NPHP4: variants seen among roughly 807,000 people sequenced by gnomAD.
NPHP4 encodes nephrocystin 4.
In NPHP4, 151 loss-of-function variants were observed where a neutral mutation model predicts 155.8. That is an observed-to-expected ratio of 0.97 (90% CI 0.85 to 1.11). The LOEUF (loss-of-function observed/expected upper bound fraction) is 1.11, where lower values mean the gene tolerates loss of function less well. Among genes scored for constraint, NPHP4 ranks in the 50% least tolerant of loss-of-function variants. NPHP4 has a pLI of 0.00. For synonymous variants in NPHP4, 845 were observed against 816.8 expected (o/e 1.03, Z -0.59); for missense variants, 1,956 against 1,925.7 (o/e 1.02, Z -0.29).
In NPHP4 at chr1:5,890,354, C is replaced by T. The variant is rs1234171148; in HGVS notation, c.2304+514G>A. Among the ~76,000 whole-genome samples, 11 of 151,944 alleles carry T rather than the reference C, an allele frequency of 7.2e-5. No individual in the cohort carries two copies. Among genetic ancestry groups the T allele is most frequent in the African/African-American group, 2.2e-4 (9 of 41,350 alleles). On this transcript the variant is annotated intron_variant, in intron 17 of 29. Coordinates refer to ENST00000378156, the MANE Select transcript of NPHP4 (RefSeq NM_015102.5). The surrounding 1 kb of genome is among the most constrained non-coding windows in gnomAD (Gnocchi z 4.9). Reference sequence around the variant, plus strand: ...GGCTTGGGAAGAATTCCAGGGAAGACGAGTGAAAGAATCCATGGATTTAGG... The same window carrying T: ...GGCTTGGGAAGAATTCCAGGGAAGATGAGTGAAAGAATCCATGGATTTAGG...
chr1:5,872,139 G>C (rs1306125994), intron 23 of NPHP4, among the ~76,000 whole-genome samples: 1 of 152,214 alleles, frequency 6.6e-6, no homozygotes, highest in Non-Finnish European at 1.5e-5. Context: ...TTCCAGGAAG[G>C]TCACAGACTG....
At chr1:5,864,539 G>A in intron 27 of NPHP4, 22 bp from the exon 28 acceptor site, 2 of 1,505,906 alleles carry the variant, frequency 1.3e-6, no homozygotes, top group Non-Finnish European at 1.8e-6. Context: ...AGAGAGGCGG[G>A]TCAGAGCACA....
chr1:5,904,878 A>T (rs1644839428), intron 15 of NPHP4, 74 bp from the exon 16 acceptor site: 1 of 1,449,092 alleles, frequency 6.9e-7, no homozygotes, highest in African/African-American at 1.4e-5. Context: ...GTGTGTTTGC[A>T]TAGGGGATGG....
intron 23 of NPHP4, among the ~76,000 whole-genome samples, chr1:5,869,359 CAT>C (rs1022620532): frequency 2.0e-5 from 3 of 151,188 alleles, no homozygotes; most frequent in Non-Finnish European, 2.9e-5. Flanking sequence ...CACACACACA[CAT>C]GCATGCACAC....
chr1:5,927,717 G>C lies in NPHP4; in HGVS notation c.1373C>G (p.Pro458Arg), dbSNP rs767823762. 1.9e-6 allele frequency: 3 copies of C among 1,613,492 alleles called. No homozygotes were observed. The highest frequency in any genetic ancestry group is 2.2e-5 in the East Asian group (1 of 44,850). Reference sequence around the variant, plus strand: ...TTTGGGGCCACTGACAGGCTCCGTGGGTGCATCCAGGTGTTCTTCTGAGCC... The same window carrying C: ...TTTGGGGCCACTGACAGGCTCCGTGCGTGCATCCAGGTGTTCTTCTGAGCC... ...SLGSEEHLDA[P>R]TEPVSGPKVE... The change falls in exon 11 of 30, where the codon CCC becomes CGC. Residue 458 changes from proline to arginine, a missense_variant. Coordinates refer to ENST00000378156, the MANE Select transcript of NPHP4 (RefSeq NM_015102.5).
rs1645113776 is a variant in NPHP4 at position 5,910,246 on chromosome 1, G to A, written c.1442-1033C>T. On this transcript the variant is annotated intron_variant, in intron 11 of 29. Coordinates refer to ENST00000378156, the MANE Select transcript of NPHP4 (RefSeq NM_015102.5). This position sits in a 1 kb window ranked among gnomAD's most constrained non-coding sequence, Gnocchi z 5.4. The stretch of plus-strand genomic sequence containing the variant: ...GAGTCATCTGCCTGGCTTCCCTGAG[G>A]CCCACAGCCCAGTCTCCAGCCCATG... Among the ~76,000 whole-genome samples, 1 of 152,114 alleles carries A rather than the reference G, an allele frequency of 6.6e-6. No individual in the cohort carries two copies. Among genetic ancestry groups the A allele is most frequent in the Non-Finnish European group, 1.5e-5 (1 of 68,034 alleles).
chr1:5,958,737 T>C (rs1044785712), intron 6 of NPHP4, among the ~76,000 whole-genome samples: 18 of 149,888 alleles, frequency 1.2e-4, no homozygotes, highest in Admixed American at 4.0e-4. Context: ...CACATGCCTA[T>C]AGTCCTTACT....
At position 5,905,637 on chromosome 1, in the gene NPHP4, G is replaced by A. The variant is rs1232826249; in HGVS notation, c.1758C>T (p.Thr586=). ...CACCCAGACCCACACCTCACCTCCT[G>A]GTCTGGGTTCCCACAACAATAGGGG... ...LHAPIVVGTQ[T]RSSAGQPSRA... is the part of the protein sequence containing the mutation. The change falls in exon 14 of 30, where the codon ACC becomes ACT. Residue 586 remains threonine (T), a synonymous_variant. Transcript: ENST00000378156. The surrounding 1 kb of genome is among the most constrained non-coding windows in gnomAD (Gnocchi z 4.0). The A allele has an allele frequency of 1.2e-6, 2 of 1,613,886 alleles. No homozygotes were observed. The highest frequency in any genetic ancestry group is 1.3e-5 in the African/African-American group (1 of 75,050).
chr1:5,893,652 T>A (rs1644253028), intron 16 of NPHP4, among the ~76,000 whole-genome samples: 1 of 152,198 alleles, frequency 6.6e-6, no homozygotes, highest in African/African-American at 2.4e-5. Context: ...GGCCTCCGGA[T>A]AACTGCAGGC....
chr1:5,944,845 C>G lies in NPHP4; in HGVS notation c.1119+2259G>C, dbSNP rs1338921172. On this transcript the variant is annotated intron_variant, in intron 9 of 29. Coordinates refer to ENST00000378156, the MANE Select transcript of NPHP4 (RefSeq NM_015102.5). This position sits in a 1 kb window ranked among gnomAD's most constrained non-coding sequence, Gnocchi z 4.3. ...ATTAGCTGGGCATGGTGGCCCGTGC[C>G]TATAGTCCCAGCTACTCAGGAGACT... Among the ~76,000 whole-genome samples the G allele has an allele frequency of 1.3e-5, 2 of 152,134 alleles. No homozygotes were observed. The highest frequency in any genetic ancestry group is 4.8e-5 in the African/African-American group (2 of 41,420).
chr1:5,865,036 T>C, intron 27 of NPHP4, 66 bp downstream of exon 27: 1 of 1,522,612 alleles, frequency 6.6e-7, no homozygotes, highest in Non-Finnish European at 9.1e-7. Flanking sequence ...TCCAGCTGAA[T>C]GCCCACTGCC....
intron 11 of NPHP4, among the ~76,000 whole-genome samples, chr1:5,914,700 A>T (rs966913810): frequency 6.6e-6 from 1 of 152,256 alleles, no homozygotes; most frequent in Non-Finnish European, 1.5e-5. Flanking sequence ...ACAGGACCAC[A>T]GAAAGAAATG....
intron 18 of NPHP4, among the ~76,000 whole-genome samples, chr1:5,883,077 C>T (rs1404988119): frequency 1.3e-5 from 2 of 152,166 alleles, no homozygotes; most frequent in Non-Finnish European, 2.9e-5. Context: ...TCCACCACGG[C>T]GCCAGGTTCA....
chr1:5,943,641 C>T (rs1252210582), intron 9 of NPHP4, among the ~76,000 whole-genome samples: 2 of 152,182 alleles, frequency 1.3e-5, no homozygotes, highest in Non-Finnish European at 2.9e-5. Context: ...ACAGACAGGC[C>T]GCCCAGCTCA....
intron 4 of NPHP4, among the ~76,000 whole-genome samples, chr1:5,968,691 T>C (rs1161275898): frequency 6.6e-6 from 1 of 151,986 alleles, no homozygotes; most frequent in Non-Finnish European, 1.5e-5. Flanking sequence ...ATGTACAGCC[T>C]TCTACTGCCA....
chr1:5,875,247 G>A (rs1347921709), intron 20 of NPHP4, 147 bp from the exon 21 acceptor site: 3 of 713,992 alleles, frequency 4.2e-6, no homozygotes, highest in Non-Finnish European at 7.3e-6. Context: ...TGACCATGTG[G>A]TCTGGGTGGA....
chr1:5,938,339 G>T (rs1360173461), intron 9 of NPHP4, among the ~76,000 whole-genome samples: 1 of 152,220 alleles, frequency 6.6e-6, no homozygotes, highest in African/African-American at 2.4e-5. Context: ...AGCCAGGCTG[G>T]CGTTGGTGCC....
At chr1:5,878,349 G>A (rs148710177) in intron 19 of NPHP4, among the ~76,000 whole-genome samples, 10 of 152,326 alleles carry the variant, frequency 6.6e-5, no homozygotes, top group Non-Finnish European at 1.5e-4. Flanking sequence ...GATGCCCCGC[G>A]TGGCTCTTAC....
intron 16 of NPHP4, among the ~76,000 whole-genome samples, chr1:5,903,075 T>C (rs1644752834): frequency 6.6e-6 from 1 of 152,244 alleles, no homozygotes; most frequent in Admixed American, 6.5e-5. Context: ...ATAATGCATA[T>C]TCTCTAAACG....
Sources: allele counts gnomAD v4.1 joint callset (sites outside exome capture counted in the v4.1 genomes callset), GRCh38; gene constraint gnomAD v4.1.1; non-coding constraint Gnocchi (gnomAD v3.1); transcripts MANE v1.5; gene names NCBI Gene and HGNC (gene_info 2026-07-23, HGNC 2026-07-21).